PRKCZ: variants seen among roughly 807,000 people sequenced by gnomAD.
PRKCZ encodes the protein protein kinase C zeta, also known as protein kinase C zeta type.
Under a neutral mutation model 79.5 loss-of-function variants are expected in PRKCZ, and 33 were observed. The observed-to-expected ratio is 0.41, with a 90% CI of 0.31 to 0.55. The LOEUF (loss-of-function observed/expected upper bound fraction) is 0.55. PRKCZ is among the 20% of genes least tolerant of loss of function. The pLI, the probability that PRKCZ is intolerant of heterozygous loss-of-function variation, is 0.19. For synonymous variants in PRKCZ, 342 were observed against 320.9 expected, an observed-to-expected ratio of 1.07 and a Z score of -0.70; for missense variants, 578 against 813.5, an observed-to-expected ratio of 0.71 and a Z score of 3.52.
At position 2,147,241 on chromosome 1, in the gene PRKCZ, TGAC is replaced by T. The variant is rs1678766828; in HGVS notation, c.634+1135_634+1137del. On this transcript the variant is annotated intron_variant, in intron 7 of 17. Transcript: ENST00000378567. ...ATCTATCCATCCATCTTTTGTCCAC[TGAC>T]GTCTCCATCTATCCATCTGTCTGTT... Among the ~76,000 whole-genome samples, 6 of 151,508 alleles carry T rather than the reference TGAC, an allele frequency of 4.0e-5. No individual in the cohort carries two copies. The South Asian group carries it at 1.3e-3, about 32-fold the overall frequency.
intron 5 of PRKCZ, among the ~76,000 whole-genome samples, chr1:2,135,763 C>T (rs1298877222): frequency 2.6e-5 from 4 of 152,262 alleles, no homozygotes; most frequent in Non-Finnish European, 5.9e-5. Flanking sequence ...CTGGAAGCTC[C>T]TTCAGCCCCA....
At chr1:2,169,800 G>A (rs1684078990) in intron 11 of PRKCZ, among the ~76,000 whole-genome samples, 196 bp downstream of exon 11, 1 of 132,256 alleles carries the variant, frequency 7.6e-6, no homozygotes, top group Admixed American at 7.4e-5. Context: ...ACGGGGGCGG[G>A]GGGGGCGGGG....
At chr1:2,169,239 G>T (rs1417576191) in intron 10 of PRKCZ, 1 of 505,430 alleles carries the variant, frequency 2.0e-6, no homozygotes, top group East Asian at 5.1e-5. Context: ...TTCATTCCGG[G>T]GCCCACCCAC....
chr1:2,072,907 C>T (rs1017258393), intron 4 of PRKCZ, among the ~76,000 whole-genome samples: 1 of 152,020 alleles, frequency 6.6e-6, no homozygotes, highest in South Asian at 2.1e-4. Context: ...GTGCCGAGTG[C>T]GTTTGGGGAA....
At chr1:2,183,084 A>T (rs1350297237) in intron 16 of PRKCZ, among the ~76,000 whole-genome samples, 5 of 152,170 alleles carry the variant, frequency 3.3e-5, no homozygotes, top group Non-Finnish European at 7.4e-5. Context: ...AAACAAAATT[A>T]GCCAGGCGTG....
chr1:2,077,334 C>A (rs1277335166), intron 4 of PRKCZ, among the ~76,000 whole-genome samples: 2 of 152,140 alleles, frequency 1.3e-5, no homozygotes, highest in South Asian at 2.1e-4. Flanking sequence ...AAGATTCAAC[C>A]GACTGCAAGA....
In PRKCZ at chr1:2,173,121, T is replaced by C. The variant is rs1471092132; in HGVS notation, c.1285+733T>C. On this transcript the variant is annotated intron_variant, in intron 13 of 17. Coordinates refer to ENST00000378567, the MANE Select transcript of PRKCZ (RefSeq NM_002744.6). This position sits in a 1 kb window ranked among gnomAD's most constrained non-coding sequence, Gnocchi z 5.7. ...CCACCCACTTCTGCATCCTGGTGTTTTCAATGAGGCATGCATGGTGTGCCT... is the reference window on the plus strand; with the variant it reads ...CCACCCACTTCTGCATCCTGGTGTTCTCAATGAGGCATGCATGGTGTGCCT... 1.3e-5 allele frequency among the ~76,000 whole-genome samples: 2 copies of C among 152,212 alleles called. No homozygotes were observed. Among genetic ancestry groups the C allele is most frequent in the Non-Finnish European group, 2.9e-5 (2 of 68,034 alleles).
intron 4 of PRKCZ, among the ~76,000 whole-genome samples, chr1:2,070,046 C>A (rs1278037443): frequency 1.3e-5 from 2 of 152,170 alleles, no homozygotes; most frequent in Non-Finnish European, 2.9e-5. Flanking sequence ...ACCAGGCCTC[C>A]GAGGTCCTTA....
intron 7 of PRKCZ, among the ~76,000 whole-genome samples, chr1:2,148,070 CCATCCATCTATT>C (rs1353536449): frequency 6.6e-6 from 1 of 151,442 alleles, no homozygotes; most frequent in Non-Finnish European, 1.5e-5. Context: ...CTCCATCTAT[CCATCCATCTATT>C]GTCTACTGAC....
intron 5 of PRKCZ, among the ~76,000 whole-genome samples, chr1:2,137,317 C>T (rs1402863188): frequency 6.6e-6 from 1 of 152,212 alleles, no homozygotes; most frequent in East Asian, 1.9e-4. Context: ...TTGGACGCCA[C>T]CGCCCACCCA....
At chr1:2,132,886 C>T (rs925796246) in intron 4 of PRKCZ, among the ~76,000 whole-genome samples, 1 of 152,212 alleles carries the variant, frequency 6.6e-6, no homozygotes, top group African/African-American at 2.4e-5. Flanking sequence ...GACTTACACA[C>T]GACAGAAACG....
chr1:2,164,719 C>T (rs1321277217), intron 10 of PRKCZ, among the ~76,000 whole-genome samples: 1 of 152,238 alleles, frequency 6.6e-6, no homozygotes, highest in Non-Finnish European at 1.5e-5. Flanking sequence ...CCTAATTTTT[C>T]AATTCCCGGG....
chr1:2,099,202 C>T (rs1175248236), intron 4 of PRKCZ, among the ~76,000 whole-genome samples: 1 of 152,178 alleles, frequency 6.6e-6, no homozygotes, highest in Admixed American at 6.5e-5. Flanking sequence ...ACGGACACCC[C>T]CTCTCACAAG....
intron 4 of PRKCZ, chr1:2,073,514 C>A: frequency 1.6e-6 from 1 of 611,620 alleles, no homozygotes; most frequent in East Asian, 1.4e-4. Context: ...GTTCTGATGT[C>A]GCATTTTCAA....
intron 4 of PRKCZ, among the ~76,000 whole-genome samples, chr1:2,118,752 TGTGA>T (rs1553153111): frequency 0.021 from 2,974 of 142,372 alleles, 86 homozygotes; most frequent in African/African-American, 0.053. Flanking sequence ...TGTGTGTGTG[TGTGA>T]GATGAGGGGA....
At chr1:2,130,694 G>A (rs1467618035) in intron 4 of PRKCZ, among the ~76,000 whole-genome samples, 1 of 151,760 alleles carries the variant, frequency 6.6e-6, no homozygotes, top group East Asian at 2.0e-4. Context: ...TTCTGCTTGG[G>A]TGAGGCCCAC....
At chr1:2,068,240 C>T (rs565017963) in intron 4 of PRKCZ, among the ~76,000 whole-genome samples, 6 of 152,338 alleles carry the variant, frequency 3.9e-5, no homozygotes, top group Admixed American at 2.0e-4. Context: ...GGCTTCGATG[C>T]GGCCATGTGG....
chr1:2,081,799 C>T (rs868575161), intron 4 of PRKCZ, among the ~76,000 whole-genome samples: 1 of 151,938 alleles, frequency 6.6e-6, no homozygotes, highest in Non-Finnish European at 1.5e-5. Context: ...CTCAGGCACG[C>T]CCCCCACACC....
In PRKCZ at chr1:2,185,255, C is replaced by T. The variant is rs915368436; in HGVS notation, c.*246C>T. 2.1e-5 allele frequency: 15 copies of T among 714,538 alleles called. No individual in the cohort carries two copies. The highest frequency in any genetic ancestry group is 1.1e-4 in the East Asian group (4 of 37,252). The allele number at this position is 714,538 out of a possible 1,614,324, so 44.3% of individuals were successfully genotyped here. Reference sequence around the variant, plus strand: ...CTGTGCCTGCGTCGCGGCGGATCCGCGGGGACCCTGCCGAGGGGGCTGTCA... The same window carrying T: ...CTGTGCCTGCGTCGCGGCGGATCCGTGGGGACCCTGCCGAGGGGGCTGTCA... On this transcript the variant is annotated 3_prime_UTR_variant, in exon 18 of 18. Transcript: ENST00000378567.
Sources: gnomAD v4.1 joint callset for allele counts (sites outside exome capture counted in the v4.1 genomes callset) on GRCh38, gnomAD v4.1.1 for gene constraint, Gnocchi (gnomAD v3.1) non-coding constraint, MANE v1.5 for transcripts, NCBI Gene and HGNC (gene_info 2026-07-23, HGNC 2026-07-21) for gene names.